RBM39: variants seen among roughly 807,000 people sequenced by gnomAD.
RBM39 encodes the protein RNA-binding protein 39.
In RBM39, 12 loss-of-function variants were observed where a neutral mutation model predicts 79.6. That is an observed-to-expected ratio of 0.15 (90% CI 0.10 to 0.24). The LOEUF (loss-of-function observed/expected upper bound fraction) is 0.24, where lower values mean the gene tolerates loss of function less well. RBM39 is among the 10% of genes least tolerant of loss of function. RBM39 has a pLI of 1.00. For missense variants in RBM39, 243 were observed against 653.4 expected (o/e 0.37, Z 6.85); for synonymous variants, 185 against 208.4 (o/e 0.89, Z 0.97).
chr20:35,717,832 G>C (rs1041020501), intron 9 of RBM39, among the ~76,000 whole-genome samples: 2 of 152,060 alleles, frequency 1.3e-5, no homozygotes, highest in Non-Finnish European at 2.9e-5. Context: ...CTCAGTCACA[G>C]AGGGAGACTC....
intron 6 of RBM39, among the ~76,000 whole-genome samples, chr20:35,725,794 G>A (rs1240028867): frequency 6.6e-6 from 1 of 151,568 alleles, no homozygotes; most frequent in Non-Finnish European, 1.5e-5. Context: ...CTCCTGAGTA[G>A]CTGGGACTAC....
rs1005641331 is a variant in RBM39, at chr20:35,703,189, T to C, written c.*1292A>G. The C allele has an allele frequency of 5.9e-5, 9 of 152,184 alleles. No individual in the cohort carries two copies. Among genetic ancestry groups the C allele is most frequent in the African/African-American group, 1.9e-4 (8 of 41,442 alleles). 9.4% of individuals were successfully genotyped at this position (152,184 alleles called of 1,614,324 possible). On this transcript the variant is annotated 3_prime_UTR_variant, in exon 17 of 17. Coordinates refer to ENST00000253363, the MANE Select transcript of RBM39 (RefSeq NM_184234.3). Reference sequence around the variant, plus strand: ...TGGTGACAGCTTGCTTCCCAACTAGTATGAAAGCTCAAAACCCCTTAATAC... The same window carrying C: ...TGGTGACAGCTTGCTTCCCAACTAGCATGAAAGCTCAAAACCCCTTAATAC...
At chr20:35,727,730 AC>A (rs2038909181) in intron 6 of RBM39, among the ~76,000 whole-genome samples, 1 of 149,744 alleles carries the variant, frequency 6.7e-6, no homozygotes, top group African/African-American at 2.5e-5. Flanking sequence ...GCTCACTGCA[AC>A]CTCCGCCTCT....
intron 12 of RBM39, 53 bp downstream of exon 12, chr20:35,712,966 T>C (rs1003708425): frequency 1.3e-5 from 20 of 1,511,226 alleles, no homozygotes; most frequent in Non-Finnish European, 1.8e-5. Context: ...ATTTGGAAAA[T>C]TTTCGAATTA....
chr20:35,708,807 A>C (rs919007940), intron 13 of RBM39: 2 of 169,048 alleles, frequency 1.2e-5, no homozygotes, highest in African/African-American at 2.4e-5. Context: ...CTTAAGCAAA[A>C]AAAGGTGAGT....
intron 2 of RBM39, chr20:35,739,232 A>C (rs2040284360): frequency 2.4e-5 from 14 of 587,800 alleles, no homozygotes; most frequent in South Asian, 2.4e-4. Context: ...AAAAATAAAA[A>C]AATTTTCCAT....
intron 8 of RBM39, among the ~76,000 whole-genome samples, chr20:35,722,138 T>C (rs2038019140): frequency 6.6e-6 from 1 of 152,182 alleles, no homozygotes; most frequent in South Asian, 2.1e-4. Flanking sequence ...CTGGGCACGA[T>C]GGCTCACACC....
chr20:35,729,489 A>G lies in RBM39; in HGVS notation c.335T>C (p.Ile112Thr), dbSNP rs563532060. ...PKFNSAIRGK[I>T]GLPHSIKLSR... ...TAATTTGATGCTATGAGGCAACCCA[A>G]TCTTTCCTCGGATGGCACTGTTAAA... Residue 112 changes from isoleucine to threonine, a missense_variant, in exon 5 of 17, where the codon ATT (isoleucine) becomes ACT (threonine). This residue lies in a region of RBM39 where 115 missense variants were observed against 184.1 expected (regional missense o/e 0.62). Coordinates refer to ENST00000253363, the MANE Select transcript of RBM39 (RefSeq NM_184234.3). The G allele has an allele frequency of 6.2e-7, 1 of 1,613,974 alleles. No homozygotes were observed. The highest frequency in any genetic ancestry group is 1.1e-5 in the South Asian group (1 of 91,030).
chr20:35,721,699 TCAA>T lies in RBM39; in HGVS notation c.825+38_825+40del, dbSNP rs751191582. 17 of 1,602,306 alleles carry T rather than the reference TCAA, an allele frequency of 1.1e-5. No homozygotes were observed. The Admixed American group carries it at 2.9e-4, about 27-fold the overall frequency. On this transcript the variant is annotated intron_variant, in intron 9 of 16. Coordinates refer to ENST00000253363, the MANE Select transcript of RBM39 (RefSeq NM_184234.3). ...CAGAAATTATGTAGTTATACTCAGA[TCAA>T]CAACCTACTGAAGATTCATTGAAGA...
intron 3 of RBM39, among the ~76,000 whole-genome samples, chr20:35,738,448 G>T (rs1300802261): frequency 6.6e-6 from 1 of 151,952 alleles, no homozygotes; most frequent in Non-Finnish European, 1.5e-5. Flanking sequence ...GAGTTTAAAA[G>T]GCCTAAGATA....
At chr20:35,711,608 A>G (rs1251268349) in intron 12 of RBM39, among the ~76,000 whole-genome samples, 2 of 152,230 alleles carry the variant, frequency 1.3e-5, no homozygotes, top group African/African-American at 4.8e-5. Flanking sequence ...TAGAAAGGAA[A>G]TGAAACCAAA....
chr20:35,705,111 C>T, intron 15 of RBM39, 114 bp downstream of exon 15: 1 of 694,096 alleles, frequency 1.4e-6, no homozygotes. Flanking sequence ...TTCAGGCACA[C>T]ACACACAAAA....
At chr20:35,708,521 CTTGT>C (rs1339665612) in intron 13 of RBM39, among the ~76,000 whole-genome samples, 1 of 152,118 alleles carries the variant, frequency 6.6e-6, no homozygotes, top group African/African-American at 2.4e-5. Context: ...TTAGAAGCAT[CTTGT>C]TTGTGAAAAA....
In RBM39 at chr20:35,721,843, T is replaced by C; in HGVS notation, c.722A>G (p.Asn241Ser). The stretch of plus-strand genomic sequence containing the variant: ...AGGTCCAGCACTTCCCTTTTGTAAA[T>C]TGTTTGCCATTGCTGCAGCTCTGTT... ...EKNRAAAMAN[N>S]LQKGSAGPMR... Residue 241 changes from asparagine to serine, a missense_variant, in exon 9 of 17, where the codon AAT becomes AGT. By Grantham distance (46) the Asn-to-Ser change is conservative. This residue lies in a region of RBM39 where 61 missense variants were observed against 322.9 expected (regional missense o/e 0.19). Coordinates refer to ENST00000253363, the MANE Select transcript of RBM39 (RefSeq NM_184234.3). The C allele has an allele frequency of 6.2e-7, 1 of 1,613,940 alleles. No individual in the cohort carries two copies. The highest frequency in any genetic ancestry group is 8.5e-7 in the Non-Finnish European group (1 of 1,179,854).
intron 13 of RBM39, chr20:35,707,839 C>T: frequency 2.2e-6 from 1 of 450,606 alleles, no homozygotes; most frequent in Non-Finnish European, 4.6e-6. Context: ...ACTACCAAAA[C>T]ATACTGGGGT....
chr20:35,734,762 C>A (rs1233478700), intron 3 of RBM39: 3 of 1,272,252 alleles, frequency 2.4e-6, no homozygotes, highest in African/African-American at 3.1e-5. Flanking sequence ...AAAATACAAT[C>A]TTTTGCATAA....
intron 9 of RBM39, among the ~76,000 whole-genome samples, chr20:35,721,316 C>G (rs995149992): frequency 6.6e-6 from 1 of 152,132 alleles, no homozygotes; most frequent in Admixed American, 6.6e-5. Context: ...TAATAGTCTT[C>G]GTATGATTTA....
At chr20:35,717,131 T>G (rs569828826) in intron 9 of RBM39, among the ~76,000 whole-genome samples, 1 of 152,020 alleles carries the variant, frequency 6.6e-6, no homozygotes, top group Non-Finnish European at 1.5e-5. Context: ...AATACAAAAA[T>G]TGTCTGGGCT....
intron 12 of RBM39, among the ~76,000 whole-genome samples, chr20:35,711,699 A>G (rs1486886784): frequency 6.6e-6 from 1 of 152,224 alleles, no homozygotes; most frequent in Non-Finnish European, 1.5e-5. Context: ...TGTAAAAACA[A>G]AAGTCGTCTT....
Sources: allele counts gnomAD v4.1 joint callset (sites outside exome capture counted in the v4.1 genomes callset), GRCh38; gene constraint gnomAD v4.1.1; regional missense constraint gnomAD v4.1.1; transcripts MANE v1.5; gene names NCBI Gene and HGNC (gene_info 2026-07-23, HGNC 2026-07-21).